GRHL2: variants seen among roughly 807,000 people sequenced by gnomAD.
The protein encoded by GRHL2 is grainyhead like transcription factor 2.
A neutral mutation model predicts 83.8 loss-of-function variants in GRHL2; 21 were observed. The ratio of observed to expected loss-of-function variants is 0.25; its 90% confidence interval spans 0.18 to 0.36. The LOEUF is 0.36. Among genes scored for constraint, GRHL2 ranks in the 10% least tolerant of loss-of-function variants. GRHL2 has a pLI of 1.00. For synonymous variants in GRHL2, 280 were observed against 278.9 expected, an observed-to-expected ratio of 1.00 and a Z score of -0.04; for missense variants, 623 against 781.8, an observed-to-expected ratio of 0.80 and a Z score of 2.42.
chr8:101,678,611 G>A, the GRHL2 span, among the ~76,000 whole-genome samples: 6 of 151,390 alleles, frequency 4.0e-5, no homozygotes, highest in East Asian at 1.2e-3. Context: ...GCCTCTGTAG[G>A]CTCCACCTCT....
At chr8:101,518,373 C>T (rs985704921) in intron 1 of GRHL2, among the ~76,000 whole-genome samples, 2 of 152,168 alleles carry the variant, frequency 1.3e-5, no homozygotes, top group Non-Finnish European at 2.9e-5. Flanking sequence ...GATTGTGCCA[C>T]TGCACTCTGG....
At chr8:101,505,839 G>A (rs1190961594) in intron 1 of GRHL2, among the ~76,000 whole-genome samples, 1 of 152,130 alleles carries the variant, frequency 6.6e-6, no homozygotes, top group Non-Finnish European at 1.5e-5. Flanking sequence ...CAGTAGTATC[G>A]TTATGCTTGT....
At position 101,610,302 on chromosome 8, in the gene GRHL2, A is replaced by G. The variant is rs141188784; in HGVS notation, c.1099-9237A>G. ...ATCATAACTAATCTACCTTTGGATC[A>G]TTTGAAGTTAGCTTCACAAAATCCC... On this transcript the variant is annotated intron_variant, in intron 8 of 15. Transcript: ENST00000646743. 4.2e-4 allele frequency among the ~76,000 whole-genome samples: 63 copies of G among 151,182 alleles called. 1 individual carries two copies. The East Asian group carries it at 0.01, about 25-fold the overall frequency.
intron 1 of GRHL2, chr8:101,528,834 T>C (rs533527937): frequency 5.4e-5 from 19 of 352,144 alleles, no homozygotes; most frequent in South Asian, 4.5e-4. Context: ...AACCAAATCT[T>C]TGAGCTCTTT....
intron 8 of GRHL2, among the ~76,000 whole-genome samples, chr8:101,609,129 T>C (rs4593516): frequency 0.5 from 73,765 of 148,860 alleles, 20,580 homozygotes; most frequent in African/African-American, 0.72. Context: ...GACTTATACA[T>C]TCTCCATTTA....
the GRHL2 span, among the ~76,000 whole-genome samples, chr8:101,675,203 G>A: frequency 2.0e-5 from 3 of 152,078 alleles, no homozygotes; most frequent in African/African-American, 4.8e-5. Context: ...TGGAAGTTCT[G>A]GCCAGGGCAA....
chr8:101,581,546 G>C (rs1812053134), intron 7 of GRHL2, among the ~76,000 whole-genome samples: 1 of 152,154 alleles, frequency 6.6e-6, no homozygotes, highest in Non-Finnish European at 1.5e-5. Flanking sequence ...TTTGTCATTT[G>C]ATTTTCTCTG....
At chr8:101,591,054 C>A (rs1055084258) in intron 7 of GRHL2, among the ~76,000 whole-genome samples, 5 of 152,168 alleles carry the variant, frequency 3.3e-5, no homozygotes, top group African/African-American at 7.2e-5. Context: ...CTTGCCCCTA[C>A]AATCCATTTG....
intron 2 of GRHL2, among the ~76,000 whole-genome samples, chr8:101,544,463 CA>C (rs1462615988): frequency 6.6e-6 from 1 of 152,082 alleles, no homozygotes; most frequent in Non-Finnish European, 1.5e-5. Context: ...TTCAGGAAAT[CA>C]AACAAAAACA....
At chr8:101,583,721 T>G (rs1812105565) in intron 7 of GRHL2, among the ~76,000 whole-genome samples, 1 of 152,134 alleles carries the variant, frequency 6.6e-6, no homozygotes, top group Non-Finnish European at 1.5e-5. Flanking sequence ...CCAAATCTCC[T>G]CAAATAGTGG....
At chr8:101,567,009 G>T (rs1187849414) in intron 4 of GRHL2, among the ~76,000 whole-genome samples, 1 of 151,984 alleles carries the variant, frequency 6.6e-6, no homozygotes. Context: ...AGAGTGAATG[G>T]GTAAATGATG....
chr8:101,500,109 AAAAC>A (rs772216858), intron 1 of GRHL2, among the ~76,000 whole-genome samples: 8 of 152,206 alleles, frequency 5.3e-5, no homozygotes, highest in African/African-American at 1.4e-4. Flanking sequence ...ACAAGAAATA[AAAAC>A]AAACAAACAA....
intron 2 of GRHL2, among the ~76,000 whole-genome samples, chr8:101,548,362 T>C (rs73701926): frequency 0.059 from 9,036 of 152,080 alleles, 848 homozygotes; most frequent in African/African-American, 0.2. Context: ...AGGTCAATGC[T>C]CAAAAAGGGG....
intron 1 of GRHL2, among the ~76,000 whole-genome samples, chr8:101,509,509 G>A (rs1008597659): frequency 5.3e-5 from 8 of 152,082 alleles, no homozygotes; most frequent in Admixed American, 4.6e-4. Flanking sequence ...AACATGTAGG[G>A]CAATTAAGAA....
chr8:101,538,191 A>C (rs950404897), intron 1 of GRHL2, among the ~76,000 whole-genome samples: 4 of 152,138 alleles, frequency 2.6e-5, no homozygotes, highest in Admixed American at 2.6e-4. Flanking sequence ...AGACGGGGAA[A>C]ATGTTATGTG....
intron 1 of GRHL2, among the ~76,000 whole-genome samples, chr8:101,539,016 A>G (rs1416945718): frequency 6.6e-6 from 1 of 152,260 alleles, no homozygotes; most frequent in African/African-American, 2.4e-5. Context: ...ATTTATGAGC[A>G]AAGCTTTGTG....
chr8:101,555,361 A>C (rs535590824), intron 3 of GRHL2, among the ~76,000 whole-genome samples: 2 of 151,982 alleles, frequency 1.3e-5, no homozygotes, highest in Admixed American at 1.3e-4. Flanking sequence ...CTGGGTTTTG[A>C]CTAAACAGGT....
chr8:101,626,966 A>G (rs1404550838), intron 9 of GRHL2, among the ~76,000 whole-genome samples: 1 of 152,062 alleles, frequency 6.6e-6, no homozygotes, highest in African/African-American at 2.4e-5. Flanking sequence ...TTGAGTGGAT[A>G]CTATCAAAAC....
intron 14 of GRHL2, among the ~76,000 whole-genome samples, chr8:101,659,098 A>T (rs1192516602): frequency 6.6e-6 from 1 of 152,228 alleles, no homozygotes; most frequent in African/African-American, 2.4e-5. Context: ...AACCATGCTT[A>T]TGATATAGGA....
Sources: gnomAD v4.1 joint callset for allele counts (sites outside exome capture counted in the v4.1 genomes callset) on GRCh38, gnomAD v4.1.1 for gene constraint, MANE v1.5 for transcripts, NCBI Gene and HGNC (gene_info 2026-07-23, HGNC 2026-07-21) for gene names.